The following ZNF638 variants were observed in gnomAD, a reference collection of about 807,000 sequenced individuals.
ZNF638 encodes zinc finger protein 638.
A neutral mutation model predicts 195.6 loss-of-function variants in ZNF638; 46 were observed. The observed-to-expected ratio is 0.24, with a 90% CI of 0.19 to 0.30. ZNF638 has a LOEUF of 0.30. Among genes scored for constraint, ZNF638 ranks in the 10% least tolerant of loss-of-function variants. The pLI is 1.00. For synonymous variants in ZNF638, 845 were observed against 772.0 expected (o/e 1.09, Z -1.57); for missense variants, 2,440 against 2,325.3 (o/e 1.05, Z -1.01).
chr2:71,337,302 TAA>T (rs754045324), intron 1 of ZNF638, among the ~76,000 whole-genome samples: 1 of 152,252 alleles, frequency 6.6e-6, no homozygotes, highest in African/African-American at 2.4e-5. Context: ...AGTTTGACAT[TAA>T]GTTGCATATA....
intron 10 of ZNF638, 21 bp downstream of exon 10, chr2:71,380,586 T>C (rs2079518639): frequency 1.3e-6 from 2 of 1,579,530 alleles, no homozygotes; most frequent in South Asian, 2.3e-5. Context: ...ACTTTTAATA[T>C]TCTTTCAAAT....
At chr2:71,422,747 C>A in intron 21 of ZNF638, 67 bp from the exon 22 acceptor site, 1 of 1,491,614 alleles carries the variant, frequency 6.7e-7, no homozygotes, top group South Asian at 1.3e-5. Context: ...GTTGAATTCT[C>A]ATCATAGTTT....
rs77090641 is a variant in ZNF638, at chr2:71,335,832, C to T, written c.-203+3957C>T. On this transcript the variant is annotated intron_variant, in intron 1 of 27. Coordinates refer to ENST00000264447, the MANE Select transcript of ZNF638 (RefSeq NM_014497.5). ...GATATTCAGACAGATATCAAATTTC[C>T]CCAGTTGTAACTCACTACCTCCCAC... is the stretch of plus-strand genomic sequence containing the variant. 3.5e-3 allele frequency among the ~76,000 whole-genome samples: 537 copies of T among 152,168 alleles called. 6 individuals carry two copies. Among genetic ancestry groups the T allele is most frequent in the South Asian group, 0.027 (132 of 4,814 alleles).
intron 20 of ZNF638, among the ~76,000 whole-genome samples, chr2:71,416,853 G>A (rs999588866): frequency 7.0e-6 from 1 of 142,756 alleles, no homozygotes. Context: ...CTCCAGCTGC[G>A]TGCTGGGAGA....
chr2:71,358,374 G>A (rs2079057607), intron 3 of ZNF638, among the ~76,000 whole-genome samples: 1 of 152,148 alleles, frequency 6.6e-6, no homozygotes, highest in Non-Finnish European at 1.5e-5. Flanking sequence ...ATTTTAATCA[G>A]TTTCCCCTAA....
chr2:71,387,831 A>G (rs557701385), intron 10 of ZNF638, among the ~76,000 whole-genome samples: 1 of 152,330 alleles, frequency 6.6e-6, no homozygotes, highest in East Asian at 1.9e-4. Context: ...AAAATGTATT[A>G]ATGCATAAGT....
intron 3 of ZNF638, among the ~76,000 whole-genome samples, chr2:71,357,401 T>C (rs1171776308): frequency 6.6e-6 from 1 of 152,158 alleles, no homozygotes; most frequent in African/African-American, 2.4e-5. Flanking sequence ...TAGGTTATCA[T>C]GGGGAGATAA....
At chr2:71,432,711 A>G (rs2080691251) in intron 26 of ZNF638, among the ~76,000 whole-genome samples, 1 of 152,278 alleles carries the variant, frequency 6.6e-6, no homozygotes, top group South Asian at 2.1e-4. Context: ...GATTAAAATT[A>G]CTACTATTGA....
chr2:71,410,505 T>C (rs115834104), intron 20 of ZNF638, among the ~76,000 whole-genome samples: 73 of 152,234 alleles, frequency 4.8e-4, no homozygotes, highest in Non-Finnish European at 8.7e-4. Context: ...ACCACTGTGC[T>C]TGGCCCTAAA....
Position 71,426,519 on chromosome 2 carries a change from A to C in ZNF638, c.4650A>C (p.Glu1550Asp). Residue 1550 changes from glutamate (E) to aspartate (D), a missense_variant, in exon 24 of 28, where the codon GAA (glutamate) becomes GAC (aspartate). Physicochemically the swap from Glu to Asp is conservative, Grantham distance 45 (BLOSUM62 2). Around this residue, in one of 5 missense-constraint regions of ZNF638, gnomAD observed 1,883 missense variants for 1,739.1 expected, o/e 1.08. Coordinates refer to ENST00000264447, the MANE Select transcript of ZNF638 (RefSeq NM_014497.5). ...EFVTVDEVIEEVNPSQAKQNP... is the reference protein window; with the variant it reads ...EFVTVDEVIEDVNPSQAKQNP... ...TTACTGTGGATGAGGTTATAGAAGAAGTGAATCCTTCTCAGGCCAAGCAGA... is the reference window on the plus strand; with the variant it reads ...TTACTGTGGATGAGGTTATAGAAGACGTGAATCCTTCTCAGGCCAAGCAGA... The C allele has an allele frequency of 2.5e-6, 4 of 1,611,536 alleles. No homozygotes were observed. The highest frequency in any genetic ancestry group is 1.1e-5 in the South Asian group (1 of 90,536).
chr2:71,377,275 A>T (rs1345345364), intron 8 of ZNF638, among the ~76,000 whole-genome samples: 1 of 152,134 alleles, frequency 6.6e-6, no homozygotes, highest in Non-Finnish European at 1.5e-5. Context: ...CTTGATGTGG[A>T]AAAAAGTAGG....
At chr2:71,348,475 G>C (rs1267616050) in intron 1 of ZNF638, 1 of 1,022,892 alleles carries the variant, frequency 9.8e-7, no homozygotes, top group Non-Finnish European at 1.2e-6. Flanking sequence ...TTATGTAAAA[G>C]GAGTTGTAAT....
chr2:71,428,726 A>G (rs2080592352), intron 25 of ZNF638, 75 bp downstream of exon 25: 1 of 1,294,622 alleles, frequency 7.7e-7, no homozygotes, highest in Non-Finnish European at 1.1e-6. Context: ...AGATCTATCT[A>G]AGAAGAAAAG....
intron 7 of ZNF638, among the ~76,000 whole-genome samples, chr2:71,369,189 G>A (rs1439583726): frequency 1.3e-5 from 2 of 151,920 alleles, no homozygotes; most frequent in Non-Finnish European, 2.9e-5. Context: ...ACAAAAATTA[G>A]CCAGACATCT....
chr2:71,360,926 C>T (rs1027422930), intron 3 of ZNF638, among the ~76,000 whole-genome samples: 4 of 152,140 alleles, frequency 2.6e-5, no homozygotes, highest in Admixed American at 2.0e-4. Flanking sequence ...CTTTATCTTT[C>T]TGCTCTGGGC....
Position 71,390,278 on chromosome 2 carries a change from G to A in ZNF638, c.2378-5863G>A, listed in dbSNP as rs866579105. ...TCCTCGGTCAATTGGAAAGCCCACA[G>A]TCCACTCTCTCAGAACAGCCACCTC... On this transcript the variant is annotated intron_variant, in intron 10 of 27. Transcript: ENST00000264447. Among the ~76,000 whole-genome samples the A allele has an allele frequency of 3.9e-5, 6 of 152,154 alleles. No homozygotes were observed. The South Asian group carries it at 6.2e-4, about 16-fold the overall frequency.
rs557240770 is a variant in ZNF638 at position 71,403,959 on chromosome 2, A to G, written c.2919A>G (p.Ser973=). The G allele has an allele frequency of 6.2e-7, 1 of 1,612,978 alleles. No homozygotes were observed. The highest frequency in any genetic ancestry group is 1.1e-5 in the South Asian group (1 of 90,930). The part of the protein sequence containing the change: ...FPVLMDGNQL[S]ISMAPENMNI... ...TATTGATGGATGGAAATCAACTCTC[A>G]ATAAGTATGGCTCCTGAAAACATGA... The change falls in exon 17 of 28, where the codon TCA becomes TCG. Residue 973 remains serine (S), a synonymous_variant. Transcript: ENST00000264447.
rs775122126 is a variant in ZNF638 at position 71,400,595 on chromosome 2, T to TA, written c.2697+83dup. On this transcript the variant is annotated intron_variant, in intron 15 of 27. Coordinates refer to ENST00000264447, the MANE Select transcript of ZNF638 (RefSeq NM_014497.5). Reference sequence around the variant, plus strand: ...AAGATATTTTTCTTATAAACCCAGGTAAAAAATTCATGGTATTTGGCATGT... The same window carrying TA: ...AAGATATTTTTCTTATAAACCCAGGTAAAAAAATTCATGGTATTTGGCATGT... 15 of 1,286,328 alleles carry TA rather than the reference T, an allele frequency of 1.2e-5. No individual in the cohort carries two copies. In the East Asian group the frequency reaches 1.5e-4, roughly 13 times the overall value. The allele number at this position is 1,286,328 out of a possible 1,614,324, so 79.7% of individuals were successfully genotyped here. A position where few individuals can be genotyped will look rare whatever the true frequency, so the allele number is the denominator to read the frequency against.
chr2:71,434,651 C>G, intron 27 of ZNF638, 91 bp from the exon 28 acceptor site: 3 of 1,073,104 alleles, frequency 2.8e-6, no homozygotes, highest in South Asian at 3.0e-5. Context: ...GGATCAGTTT[C>G]TTTTAAATTA....
Sources: allele counts gnomAD v4.1 joint callset (sites outside exome capture counted in the v4.1 genomes callset), GRCh38; gene constraint gnomAD v4.1.1; regional missense constraint gnomAD v4.1.1; transcripts MANE v1.5; gene names NCBI Gene and HGNC (gene_info 2026-07-23, HGNC 2026-07-21).